AKT1: variants seen among roughly 807,000 people sequenced by gnomAD.
The protein encoded by AKT1 is RAC-alpha serine/threonine-protein kinase.
AKT1 carries 21 observed loss-of-function variants against 63.1 expected under a neutral mutation model. The observed-to-expected ratio is 0.33, with a 90% CI of 0.24 to 0.48. The LOEUF (loss-of-function observed/expected upper bound fraction) is 0.48. Ranked by LOEUF, AKT1 falls within the 20% of genes least tolerant of loss-of-function variation. The probability of loss-of-function intolerance (pLI) is 0.99; values close to 1 mark genes in which losing one functional copy is unlikely to be tolerated. For synonymous variants in AKT1, 257 were observed against 253.1 expected (o/e 1.02, Z -0.15); for missense variants, 382 against 666.0 (o/e 0.57, Z 4.69).
chr14:104,787,389 G>T (rs879091403), intron 3 of AKT1, among the ~76,000 whole-genome samples: 1 of 152,164 alleles, frequency 6.6e-6, no homozygotes, highest in Middle Eastern at 3.4e-3. Flanking sequence ...AGGCACAATG[G>T]TCCAAGCAGA....
chr14:104,783,290 T>C (rs1214088544), intron 3 of AKT1, among the ~76,000 whole-genome samples: 1 of 152,118 alleles, frequency 6.6e-6, no homozygotes, highest in Non-Finnish European at 1.5e-5. Context: ...CACCCTGTTG[T>C]GGTCCTCAGA....
chr14:104,792,553 CCCA>C (rs766668229), intron 3 of AKT1, 42 bp downstream of exon 3: 12 of 1,608,366 alleles, frequency 7.5e-6, no homozygotes, highest in South Asian at 1.1e-5. Flanking sequence ...GGCTACTACC[CCCA>C]TCTCTCCCTC....
In AKT1 at chr14:104,772,526, T is replaced by C. The variant is rs547859726; in HGVS notation, c.1173-74A>G. ...GCCCTGGGTTCAGGCCCCTTCCTCC[T>C]GTGATGTAGGGCCCGCCAGACAGGA... On this transcript the variant is annotated intron_variant, in intron 12 of 14. Coordinates refer to ENST00000649815, the MANE Select transcript of AKT1 (RefSeq NM_001382430.1). 20 of 1,475,632 alleles carry C rather than the reference T, an allele frequency of 1.4e-5. No homozygotes were observed. The African/African-American group carries it at 2.5e-4, about 18-fold the overall frequency. 91.4% of individuals were successfully genotyped at this position (1,475,632 alleles called of 1,614,324 possible).
At chr14:104,791,916 C>T (rs61758461) in intron 3 of AKT1, among the ~76,000 whole-genome samples, 1,596 of 152,348 alleles carry the variant, frequency 0.01, 30 homozygotes, top group African/African-American at 0.036. Flanking sequence ...AACAGCCACC[C>T]AGACTCCACC....
chr14:104,794,866 G>C (rs1293455951), intron 1 of AKT1: 1 of 152,314 alleles, frequency 6.6e-6, no homozygotes, highest in African/African-American at 2.4e-5. Context: ...TCAATCTAAG[G>C]GGCAAGCCCC....
At chr14:104,792,860 C>T (rs765139045) in intron 2 of AKT1, 138 bp from the exon 3 acceptor site, 13 of 618,140 alleles carry the variant, frequency 2.1e-5, no homozygotes, top group Non-Finnish European at 3.5e-5. Context: ...TGCCATCCCT[C>T]TAAGCTCTCT....
At chr14:104,772,533 T>C in intron 12 of AKT1, 81 bp from the exon 13 acceptor site, 1 of 1,407,114 alleles carries the variant, frequency 7.1e-7, no homozygotes, top group Non-Finnish European at 1.0e-6. Flanking sequence ...TCCTGTGATG[T>C]AGGGCCCGCC....
At chr14:104,784,561 G>A (rs2140976257) in intron 3 of AKT1, among the ~76,000 whole-genome samples, 1 of 152,292 alleles carries the variant, frequency 6.6e-6, no homozygotes, top group African/African-American at 2.4e-5. Flanking sequence ...GAAGGGGCTG[G>A]AGCACCCCCA....
In AKT1 at chr14:104,770,016, C is replaced by G. The variant is rs1566814637; in HGVS notation, c.*325G>C. The G allele has an allele frequency of 1.9e-5, 9 of 467,172 alleles. No homozygotes were observed. Among genetic ancestry groups the G allele is most frequent in the Non-Finnish European group, 3.5e-5 (9 of 254,876 alleles). 28.9% of individuals were successfully genotyped at this position (467,172 alleles called of 1,614,324 possible). On this transcript the variant is annotated 3_prime_UTR_variant, in exon 15 of 15. Transcript: ENST00000649815. ...TGAGGGGACACATGGGCAGGACCTG[C>G]CCGGCCCCCCAATGCCACATTGCGC...
chr14:104,785,734 C>T lies in AKT1; in HGVS notation c.47-5518G>A, dbSNP rs541254265. ...GACACAAACTGCAAATTCTTCACCT[C>T]CTTCCGCTCCACCATGGAGCAGGCC... On this transcript the variant is annotated intron_variant, in intron 3 of 14. Coordinates refer to ENST00000649815, the MANE Select transcript of AKT1 (RefSeq NM_001382430.1). Among the ~76,000 whole-genome samples, 4 of 152,316 alleles carry T rather than the reference C, an allele frequency of 2.6e-5. No homozygotes were observed. The South Asian group carries it at 8.3e-4, about 32-fold the overall frequency.
intron 3 of AKT1, among the ~76,000 whole-genome samples, chr14:104,789,226 C>T (rs1235272210): frequency 1.4e-4 from 21 of 152,238 alleles, no homozygotes; most frequent in Admixed American, 1.4e-3. Flanking sequence ...CAGAGCACCT[C>T]ATCCTGGGTC....
At chr14:104,774,224 C>T (rs980142078) in intron 8 of AKT1, 105 of 554,544 alleles carry the variant, frequency 1.9e-4, no homozygotes, top group African/African-American at 1.7e-3. Context: ...CCCCATGCCA[C>T]GCTGCCCCAC....
At chr14:104,788,074 C>A (rs1232364134) in intron 3 of AKT1, among the ~76,000 whole-genome samples, 1 of 152,202 alleles carries the variant, frequency 6.6e-6, no homozygotes, top group Non-Finnish European at 1.5e-5. Flanking sequence ...CAGGAGCCAG[C>A]ACACTTGCCT....
intron 1 of AKT1, chr14:104,794,050 T>C (rs1330393201): frequency 6.6e-6 from 1 of 152,304 alleles, no homozygotes; most frequent in Non-Finnish European, 1.5e-5. Flanking sequence ...TGTCTTAAGC[T>C]ACACTTAGAA....
intron 3 of AKT1, among the ~76,000 whole-genome samples, chr14:104,791,276 C>G (rs1490493108): frequency 6.6e-6 from 1 of 151,978 alleles, no homozygotes; most frequent in Non-Finnish European, 1.5e-5. Flanking sequence ...TCCCTGACAC[C>G]AAAGAGGGCT....
At chr14:104,794,578 G>C (rs1392444207) in intron 1 of AKT1, 2 of 152,024 alleles carry the variant, frequency 1.3e-5, no homozygotes, top group African/African-American at 4.8e-5. Flanking sequence ...GTTTTCGAAA[G>C]GGCTCCTCCA....
rs1892506436 is a variant in AKT1 at position 104,773,352 on chromosome 14, C to T, written c.856G>A (p.Gly286Arg). 3 of 1,614,214 alleles carry T rather than the reference C, an allele frequency of 1.9e-6. No individual in the cohort carries two copies. The highest frequency in any genetic ancestry group is 2.5e-6 in the Non-Finnish European group (3 of 1,180,020). ...CCGAAGTCTGTGATCTTAATGTGCC[C>T]GTCCTTGTCCAGCATGAGGTTCTCC... The part of the protein sequence containing the change: ...KLENLMLDKD[G>R]HIKITDFGLC... Residue 286 changes from glycine (G) to arginine (R), a missense_variant, in exon 11 of 15, where the codon GGG (glycine) becomes AGG (arginine). Gly to Arg is a moderately radical substitution (Grantham distance 125, BLOSUM62 -2). Coordinates refer to ENST00000649815, the MANE Select transcript of AKT1 (RefSeq NM_001382430.1).
intron 3 of AKT1, among the ~76,000 whole-genome samples, chr14:104,787,122 A>G (rs1199150721): frequency 6.6e-6 from 1 of 152,186 alleles, no homozygotes; most frequent in Non-Finnish European, 1.5e-5. Context: ...CAACATTGGC[A>G]GCAGAGTCAC....
At chr14:104,777,444 A>C in intron 4 of AKT1, 1 of 700,482 alleles carries the variant, frequency 1.4e-6, no homozygotes, top group Non-Finnish European at 1.8e-6. Context: ...GCCACACTGG[A>C]ATACACAGAC....
Sources: allele counts gnomAD v4.1 joint callset (sites outside exome capture counted in the v4.1 genomes callset), GRCh38; gene constraint gnomAD v4.1.1; transcripts MANE v1.5; gene names NCBI Gene and HGNC (gene_info 2026-07-23, HGNC 2026-07-21).